The following TCF4 variants were observed in gnomAD, a reference collection of about 807,000 sequenced individuals.
TCF4 encodes transcription factor 4.
A neutral mutation model predicts 82.1 loss-of-function variants in TCF4; 3 were observed. That is an observed-to-expected ratio of 0.04 (90% CI 0.02 to 0.09). The LOEUF (loss-of-function observed/expected upper bound fraction) is 0.09. Among genes scored for constraint, TCF4 ranks in the 10% least tolerant of loss-of-function variants. The probability of loss-of-function intolerance (pLI) is 1.00; values close to 1 mark genes in which losing one functional copy is unlikely to be tolerated. For synonymous variants in TCF4, 276 were observed against 309.6 expected (o/e 0.89, Z 1.14); for missense variants, 518 against 852.7 (o/e 0.61, Z 4.89).
At chr18:55,547,692 C>T (rs2123393) in intron 3 of TCF4, among the ~76,000 whole-genome samples, 44,902 of 152,054 alleles carry the variant, frequency 0.3, 7,818 homozygotes, top group Middle Eastern at 0.45. Flanking sequence ...TTGTTTGAAA[C>T]GTTGTAAGAA....
intron 5 of TCF4, among the ~76,000 whole-genome samples, chr18:55,434,994 A>C (rs959387408): frequency 1.3e-5 from 2 of 152,110 alleles, no homozygotes; most frequent in Non-Finnish European, 2.9e-5. Context: ...TATTGATTAT[A>C]ATCACCCTGT....
intron 5 of TCF4, among the ~76,000 whole-genome samples, chr18:55,410,072 T>C (rs2094281182): frequency 1.3e-5 from 2 of 152,108 alleles, no homozygotes; most frequent in South Asian, 4.1e-4. Flanking sequence ...TCCAACAACC[T>C]AGGAAATCCT....
chr18:55,388,294 G>A (rs2092769790), intron 6 of TCF4, among the ~76,000 whole-genome samples: 1 of 152,166 alleles, frequency 6.6e-6, no homozygotes, highest in Non-Finnish European at 1.5e-5. Context: ...GATGTGGCTG[G>A]TGTTGCACTT....
intron 3 of TCF4, chr18:55,546,680 C>T (rs1010299309): frequency 6.6e-6 from 1 of 152,164 alleles, no homozygotes; most frequent in African/African-American, 2.4e-5. Flanking sequence ...TAACCAGATG[C>T]ACAGCATGTT....
intron 2 of TCF4, among the ~76,000 whole-genome samples, chr18:55,602,922 G>A (rs994101191): frequency 1.3e-5 from 2 of 152,024 alleles, no homozygotes; most frequent in Admixed American, 6.6e-5. Flanking sequence ...CAAAATTTCC[G>A]CCCCTTCCCC....
At chr18:55,487,846 A>G (rs1348883454) in intron 3 of TCF4, among the ~76,000 whole-genome samples, 1 of 152,000 alleles carries the variant, frequency 6.6e-6, no homozygotes, top group Non-Finnish European at 1.5e-5. Context: ...TATATAGTTT[A>G]TTACTGGTTT....
intron 8 of TCF4, among the ~76,000 whole-genome samples, chr18:55,328,313 A>G (rs1458334378): frequency 6.6e-6 from 1 of 151,950 alleles, no homozygotes; most frequent in East Asian, 1.9e-4. Flanking sequence ...AGGAGAAAAG[A>G]CTTCATTATG....
intron 3 of TCF4, among the ~76,000 whole-genome samples, chr18:55,543,833 T>C (rs1241791627): frequency 6.6e-6 from 1 of 152,140 alleles, no homozygotes; most frequent in Non-Finnish European, 1.5e-5. Flanking sequence ...CCAAAATACC[T>C]TTCATGAACT....
chr18:55,261,293 G>C (rs2058038875), intron 12 of TCF4, 173 bp downstream of exon 12: 1 of 764,146 alleles, frequency 1.3e-6, no homozygotes, highest in Non-Finnish European at 2.3e-6. Flanking sequence ...ACTATATACT[G>C]GAAGCTTCAG....
rs556299107 is a variant in TCF4, at chr18:55,627,611, A to G, written c.286+3687T>C. On this transcript the variant is annotated intron_variant, in intron 2 of 20. Coordinates refer to the TCF4 transcript ENST00000398339. The stretch of plus-strand genomic sequence containing the variant: ...AAACCCCCGTCTTTACTGAAAATAC[A>G]AAAATTTGCTGGGAGTGGTGGCAGG... Among the ~76,000 whole-genome samples the G allele has an allele frequency of 4.5e-4, 69 of 152,148 alleles. No individual in the cohort carries two copies. In the South Asian group the frequency reaches 5.8e-3, roughly 13 times the overall value.
chr18:55,440,616 T>C (rs1435375779), intron 5 of TCF4, among the ~76,000 whole-genome samples: 1 of 152,220 alleles, frequency 6.6e-6, no homozygotes, highest in Non-Finnish European at 1.5e-5. Context: ...TTCAGGTACT[T>C]TGAGAAACAG....
intron 5 of TCF4, among the ~76,000 whole-genome samples, chr18:55,430,175 T>C (rs1010204704): frequency 3.9e-5 from 6 of 152,168 alleles, no homozygotes; most frequent in Non-Finnish European, 8.8e-5. Context: ...GAAAAGTAGA[T>C]CAGGCACTCT....
At chr18:55,358,789 G>A (rs970216482) in intron 6 of TCF4, among the ~76,000 whole-genome samples, 18 of 152,206 alleles carry the variant, frequency 1.2e-4, no homozygotes, top group Non-Finnish European at 2.2e-4. Context: ...AAGCCCTGGT[G>A]TGAGTGCCAC....
chr18:55,577,612 G>C (rs527533679), intron 3 of TCF4, among the ~76,000 whole-genome samples: 16 of 152,124 alleles, frequency 1.1e-4, no homozygotes, highest in Non-Finnish European at 2.2e-4. Flanking sequence ...ATAGATGCTA[G>C]GTCTTTTTGC....
At chr18:55,325,622 A>G (rs2076418199) in intron 8 of TCF4, among the ~76,000 whole-genome samples, 1 of 152,228 alleles carries the variant, frequency 6.6e-6, no homozygotes, top group African/African-American at 2.4e-5. Context: ...CTCCTCCCGA[A>G]TATAACTTGG....
intron 8 of TCF4, among the ~76,000 whole-genome samples, chr18:55,300,126 C>CT (rs2067743622): frequency 6.7e-6 from 1 of 148,756 alleles, no homozygotes; most frequent in Non-Finnish European, 1.5e-5. Context: ...ACACACACAC[C>CT]CCACATTAAT....
chr18:55,257,103 C>A (rs535884227), intron 14 of TCF4, among the ~76,000 whole-genome samples: 3 of 152,212 alleles, frequency 2.0e-5, no homozygotes, highest in African/African-American at 7.2e-5. Flanking sequence ...ATATTTAGAG[C>A]CCTGGGGCTG....
rs564714341 is a variant in TCF4 at position 55,249,223 on chromosome 18, A to G, written c.1350+5274T>C. Among the ~76,000 whole-genome samples the G allele has an allele frequency of 4.6e-5, 7 of 152,360 alleles. No homozygotes were observed. In the East Asian group the frequency reaches 1.3e-3, roughly 29 times the overall value. ...AAAACTAACTGAAGTTGTTTGTCCT[A>G]TGAAGCCCTAAGAGGTAAAAGTTCT... On this transcript the variant is annotated intron_variant, in intron 15 of 19. Coordinates refer to ENST00000354452, the MANE Select transcript of TCF4 (RefSeq NM_001083962.2).
intron 2 of TCF4, chr18:55,585,585 GCAGTACTACTGCTA>G: frequency 8.2e-6 from 5 of 611,648 alleles, no homozygotes; most frequent in Non-Finnish European, 1.4e-5. Flanking sequence ...AGATGGCCAA[GCAGTACTACTGCTA>G]CATTTGGAAC....
Sources: gnomAD v4.1 joint callset for allele counts (sites outside exome capture counted in the v4.1 genomes callset) on GRCh38, gnomAD v4.1.1 for gene constraint, MANE v1.5 for transcripts, NCBI Gene and HGNC (gene_info 2026-07-23, HGNC 2026-07-21) for gene names.